Variants in ADAMTSL1 observed in about 807,000 individuals in gnomAD.
The protein encoded by ADAMTSL1 is ADAMTS like 1.
ADAMTSL1 carries 126 observed loss-of-function variants against 201.8 expected under a neutral mutation model. The ratio of observed to expected loss-of-function variants is 0.62; its 90% confidence interval spans 0.54 to 0.72. ADAMTSL1 has a LOEUF of 0.72. Ranked by LOEUF, ADAMTSL1 falls within the 30% of genes least tolerant of loss-of-function variation. The pLI is 0.00. For missense variants in ADAMTSL1, 2,679 were observed against 2,277.8 expected (o/e 1.18, Z -3.59); for synonymous variants, 1,121 against 903.4 (o/e 1.24, Z -4.32).
intron 15 of ADAMTSL1, among the ~76,000 whole-genome samples, chr9:18,752,819 A>C (rs1244758645): frequency 2.0e-5 from 3 of 152,224 alleles, no homozygotes; most frequent in African/African-American, 7.2e-5. Context: ...GGAACTTTAA[A>C]GGAAGCTGGA....
rs180703739 is a variant in ADAMTSL1 at position 18,202,179 on chromosome 9, G to A, written c.207+38198G>A. 3.4e-4 allele frequency among the ~76,000 whole-genome samples: 52 copies of A among 152,188 alleles called. No individual in the cohort carries two copies. In the East Asian group the frequency reaches 4.3e-3, roughly 12 times the overall value. On this transcript the variant is annotated intron_variant, in intron 2 of 29. Transcript: ENST00000680146. Reference sequence around the variant, plus strand: ...AACACAAAGTCACAGGGGAAAAATCGTTAGTGTAAAGTCAGAAAGAACTGG... The same window carrying A: ...AACACAAAGTCACAGGGGAAAAATCATTAGTGTAAAGTCAGAAAGAACTGG...
At chr9:18,880,682 C>T (rs939687657) in intron 23 of ADAMTSL1, among the ~76,000 whole-genome samples, 1 of 152,116 alleles carries the variant, frequency 6.6e-6, no homozygotes, top group Non-Finnish European at 1.5e-5. Flanking sequence ...CTTAAGGGAC[C>T]CAGGATTGTT....
chr9:18,016,144 C>T (rs1820251035), intron 1 of ADAMTSL1, among the ~76,000 whole-genome samples: 1 of 151,986 alleles, frequency 6.6e-6, no homozygotes, highest in Non-Finnish European at 1.5e-5. Flanking sequence ...AGTCAGAAGA[C>T]ATGTATTCAA....
intron 2 of ADAMTSL1, among the ~76,000 whole-genome samples, chr9:18,437,856 A>C (rs1178437223): frequency 2.0e-5 from 3 of 152,180 alleles, no homozygotes; most frequent in Non-Finnish European, 4.4e-5. Context: ...TCTGAGACTG[A>C]AAGTTGCCAC....
intron 1 of ADAMTSL1, among the ~76,000 whole-genome samples, chr9:18,100,518 G>A (rs1050907406): frequency 8.5e-5 from 13 of 152,178 alleles, no homozygotes; most frequent in African/African-American, 2.9e-4. Context: ...AGTTTTTCAA[G>A]TTCACAGAGC....
At chr9:17,998,095 C>T (rs1323888190) in intron 1 of ADAMTSL1, among the ~76,000 whole-genome samples, 3 of 152,040 alleles carry the variant, frequency 2.0e-5, no homozygotes, top group Non-Finnish European at 2.9e-5. Context: ...CTCACATAGT[C>T]CTAGCCTTTC....
chr9:18,589,083 G>A (rs1823741381), intron 4 of ADAMTSL1, among the ~76,000 whole-genome samples: 1 of 151,556 alleles, frequency 6.6e-6, no homozygotes, highest in African/African-American at 2.4e-5. Flanking sequence ...TGCCATGTTG[G>A]CCAGGCTGGC....
intron 1 of ADAMTSL1, among the ~76,000 whole-genome samples, chr9:18,503,730 G>T (rs897526507): frequency 1.3e-5 from 2 of 152,028 alleles, no homozygotes; most frequent in African/African-American, 2.4e-5. Flanking sequence ...CCTTTCCAAT[G>T]ATTCAGGAAA....
chr9:18,908,476 G>A lies in ADAMTSL1; in HGVS notation c.5217G>A (p.Lys1739=), dbSNP rs865849754. 6.4e-7 allele frequency: 1 copy of A among 1,563,358 alleles called. No homozygotes were observed. The highest frequency in any genetic ancestry group is 8.7e-7 in the Non-Finnish European group (1 of 1,154,060). Residue 1739 remains lysine, a synonymous_variant, in exon 29 of 29, where the codon AAG becomes AAA. Transcript: ENST00000380548. ...ECRDTTRYCE[K]VKQLKLCQLS... The stretch of plus-strand genomic sequence containing the variant: ...GAGACACCACCAGGTACTGCGAGAA[G>A]GTGAAACAGCTGAAACTCTGCCAAC...
chr9:18,164,525 T>C (rs1827548055), intron 2 of ADAMTSL1, among the ~76,000 whole-genome samples: 1 of 151,740 alleles, frequency 6.6e-6, no homozygotes, highest in Non-Finnish European at 1.5e-5. Flanking sequence ...GATGTCAAGA[T>C]TACAGGCCTT....
At chr9:18,115,496 A>G (rs1247340298) in intron 1 of ADAMTSL1, among the ~76,000 whole-genome samples, 1 of 152,220 alleles carries the variant, frequency 6.6e-6, no homozygotes, top group Non-Finnish European at 1.5e-5. Flanking sequence ...AATTTGAGAA[A>G]CACACACCAA....
intron 1 of ADAMTSL1, among the ~76,000 whole-genome samples, chr9:18,076,022 A>T (rs1823207338): frequency 6.6e-6 from 1 of 152,206 alleles, no homozygotes; most frequent in Admixed American, 6.5e-5. Flanking sequence ...TCACCTCAAG[A>T]TGAATCCCTG....
At chr9:18,749,576 C>T (rs1291528227) in intron 15 of ADAMTSL1, among the ~76,000 whole-genome samples, 1 of 152,178 alleles carries the variant, frequency 6.6e-6, no homozygotes, top group Non-Finnish European at 1.5e-5. Context: ...TCATAGCCAA[C>T]CTTGCCCCCA....
chr9:18,315,445 G>A (rs1296991857), intron 2 of ADAMTSL1, among the ~76,000 whole-genome samples: 2 of 152,070 alleles, frequency 1.3e-5, no homozygotes, highest in Non-Finnish European at 2.9e-5. Context: ...TGAGGAGGGG[G>A]GTGGTTCGGG....
chr9:18,498,603 G>T (rs1822661305), intron 1 of ADAMTSL1, among the ~76,000 whole-genome samples: 2 of 152,104 alleles, frequency 1.3e-5, no homozygotes, highest in South Asian at 4.1e-4. Context: ...CTCCCAAAGT[G>T]CTGGCATGAG....
At chr9:18,555,835 T>C (rs997357734) in intron 3 of ADAMTSL1, among the ~76,000 whole-genome samples, 1 of 151,726 alleles carries the variant, frequency 6.6e-6, no homozygotes, top group Non-Finnish European at 1.5e-5. Context: ...TGGTAACAAA[T>C]ACGAAGAAAA....
At chr9:18,140,427 C>T (rs936888148) in intron 1 of ADAMTSL1, among the ~76,000 whole-genome samples, 4 of 152,130 alleles carry the variant, frequency 2.6e-5, no homozygotes, top group African/African-American at 9.7e-5. Context: ...ATCCAAGAGT[C>T]CTGTCTCCCA....
At chr9:18,742,312 A>T (rs1385526899) in intron 15 of ADAMTSL1, among the ~76,000 whole-genome samples, 3 of 152,212 alleles carry the variant, frequency 2.0e-5, no homozygotes, top group Non-Finnish European at 2.9e-5. Flanking sequence ...CAGTAAATAG[A>T]GACATTTATA....
intron 1 of ADAMTSL1, among the ~76,000 whole-genome samples, chr9:17,955,184 G>T (rs1382073640): frequency 6.6e-6 from 1 of 152,158 alleles, no homozygotes; most frequent in Middle Eastern, 3.4e-3. Context: ...TAATAATACA[G>T]AAGGGCCTGC....
Sources: allele counts gnomAD v4.1 joint callset (sites outside exome capture counted in the v4.1 genomes callset), GRCh38; gene constraint gnomAD v4.1.1; transcripts MANE v1.5; gene names NCBI Gene and HGNC (gene_info 2026-07-23, HGNC 2026-07-21).